Variants in GAP43 observed in about 807,000 individuals in gnomAD.
GAP43 encodes the protein growth associated protein 43.
In GAP43, 6 loss-of-function variants were observed where a neutral mutation model predicts 18.6. The ratio of observed to expected loss-of-function variants is 0.32; its 90% CI spans 0.18 to 0.64. GAP43 has a LOEUF of 0.64. Among genes scored for constraint, GAP43 ranks in the 30% least tolerant of loss-of-function variants. The probability of loss-of-function intolerance (pLI) is 0.78; values close to 1 mark genes in which losing one functional copy is unlikely to be tolerated. For synonymous variants in GAP43, 115 were observed against 111.4 expected (o/e 1.03, Z -0.20); for missense variants, 292 against 295.5 (o/e 0.99, Z 0.09).
chr3:115,667,392 A>T (rs1297694916), intron 1 of GAP43, among the ~76,000 whole-genome samples: 1 of 152,216 alleles, frequency 6.6e-6, no homozygotes, highest in South Asian at 2.1e-4. Context: ...CATTGAACAA[A>T]ATGTCTCAAG....
At chr3:115,663,930 A>T (rs1286702069) in intron 1 of GAP43, 2 of 1,551,728 alleles carry the variant, frequency 1.3e-6, no homozygotes, top group Middle Eastern at 1.7e-4. Context: ...ATTTTACCTC[A>T]CATGTAACCT....
At chr3:115,664,007 CTTAA>C in intron 1 of GAP43, 1 of 1,163,708 alleles carries the variant, frequency 8.6e-7, no homozygotes, top group Non-Finnish European at 1.2e-6. Flanking sequence ...GAGCAAATTA[CTTAA>C]TTACTTAACT....
At chr3:115,633,175 AT>A (rs1708284029) in intron 1 of GAP43, among the ~76,000 whole-genome samples, 1 of 152,052 alleles carries the variant, frequency 6.6e-6, no homozygotes, top group Non-Finnish European at 1.5e-5. Context: ...TACAATTCAA[AT>A]TTTAAATGAT....
At chr3:115,698,247 A>AATATATAATATATATAAAATATATATT (rs1709244022) in intron 2 of GAP43, among the ~76,000 whole-genome samples, 2 of 14,448 alleles carry the variant, frequency 1.4e-4, no homozygotes, top group African/African-American at 2.5e-4. Context: ...AAATATATAT[A>AATATATAATATATATAAAATATATATT]ATATATAATA....
chr3:115,652,278 A>C (rs1708527311), intron 1 of GAP43, among the ~76,000 whole-genome samples: 1 of 150,484 alleles, frequency 6.6e-6, no homozygotes, highest in African/African-American at 2.4e-5. Context: ...ATATTTAAAC[A>C]GTAATTATTT....
chr3:115,642,594 C>T (rs1263040667), intron 1 of GAP43, among the ~76,000 whole-genome samples: 2 of 151,992 alleles, frequency 1.3e-5, no homozygotes, highest in African/African-American at 4.8e-5. Context: ...ACTAATGTTT[C>T]TTCTTGTATA....
chr3:115,665,062 G>A (rs1165224152), intron 1 of GAP43, among the ~76,000 whole-genome samples: 4 of 152,064 alleles, frequency 2.6e-5, no homozygotes, highest in Non-Finnish European at 5.9e-5. Flanking sequence ...GTTAAGGTGT[G>A]TACAAATTAC....
At chr3:115,702,258 C>G (rs1709305683) in intron 2 of GAP43, among the ~76,000 whole-genome samples, 1 of 152,046 alleles carries the variant, frequency 6.6e-6, no homozygotes, top group Non-Finnish European at 1.5e-5. Context: ...TTACAGTGAT[C>G]TTTAAGGATT....
intron 2 of GAP43, among the ~76,000 whole-genome samples, chr3:115,683,132 C>A (rs6780411): frequency 1.1e-5 from 1 of 89,826 alleles, no homozygotes; most frequent in Non-Finnish European, 2.3e-5. Flanking sequence ...TGTGCGCGCG[C>A]GTGCGCGCGC....
chr3:115,645,538 A>G (rs1708448554), intron 1 of GAP43, among the ~76,000 whole-genome samples: 1 of 151,890 alleles, frequency 6.6e-6, no homozygotes, highest in Non-Finnish European at 1.5e-5. Flanking sequence ...GTCATTCTCT[A>G]TGCTTATCCA....
chr3:115,698,162 TAA>T (rs1382401293), intron 2 of GAP43, among the ~76,000 whole-genome samples: 19 of 50,406 alleles, frequency 3.8e-4, no homozygotes, highest in African/African-American at 1.4e-3. Flanking sequence ...ATATAATATA[TAA>T]AATATATTAA....
chr3:115,649,470 G>A (rs1708497498), intron 1 of GAP43, among the ~76,000 whole-genome samples: 1 of 152,072 alleles, frequency 6.6e-6, no homozygotes, highest in African/African-American at 2.4e-5. Flanking sequence ...GGAGAAACCT[G>A]TTTTAAAGTA....
At position 115,682,737 on chromosome 3, in the gene GAP43, A is replaced by G. The variant is rs1354863136; in HGVS notation, c.628+6127A>G. Among the ~76,000 whole-genome samples, 5 of 152,146 alleles carry G rather than the reference A, an allele frequency of 3.3e-5. No homozygotes were observed. The East Asian group carries it at 9.7e-4, about 29-fold the overall frequency. On this transcript the variant is annotated intron_variant, in intron 2 of 2. Coordinates refer to ENST00000305124, the MANE Select transcript of GAP43 (RefSeq NM_002045.4). ...TTTTTAGTAAAGACGGGATTTTACC[A>G]TGTTGGTCAGGCTGGTCTCAAACTC... is the stretch of plus-strand genomic sequence containing the variant.
chr3:115,629,408 C>CT (rs35316613), intron 1 of GAP43, among the ~76,000 whole-genome samples: 68,183 of 144,694 alleles, frequency 0.47, 16,192 homozygotes, highest in Middle Eastern at 0.55. Flanking sequence ...CCCCCCTGCT[C>CT]TTTTTTTTTT....
chr3:115,708,940 GT>G (rs3086974), intron 2 of GAP43, among the ~76,000 whole-genome samples: 4,611 of 99,634 alleles, frequency 0.046, 46 homozygotes, highest in Non-Finnish European at 0.063. Context: ...AACTGGCTGG[GT>G]TTTTTTTTTT....
rs548889871 is a variant in GAP43, at chr3:115,690,383, C to T, written c.628+13773C>T. ...ACAATTTTAAATGTAGGCCTATTTC[C>T]ATAAGAAGTTTCAGATTACAAGGCA... On this transcript the variant is annotated intron_variant, in intron 2 of 2. Coordinates refer to ENST00000305124, the MANE Select transcript of GAP43 (RefSeq NM_002045.4). Among the ~76,000 whole-genome samples, 3 of 152,092 alleles carry T rather than the reference C, an allele frequency of 2.0e-5. No individual in the cohort carries two copies. The South Asian group carries it at 6.2e-4, about 32-fold the overall frequency.
At chr3:115,680,234 A>G (rs1390990346) in intron 2 of GAP43, among the ~76,000 whole-genome samples, 1 of 152,138 alleles carries the variant, frequency 6.6e-6, no homozygotes, top group Non-Finnish European at 1.5e-5. Context: ...CCGAGGCAGG[A>G]GGACTTGAGT....
chr3:115,681,704 T>C lies in GAP43; in HGVS notation c.628+5094T>C, dbSNP rs1295584943. ...ATAAAAGTCTAATAATAGGTAGCACTTAATGAGCATTTATTAACTGCCAGG... is the reference window on the plus strand; with the variant it reads ...ATAAAAGTCTAATAATAGGTAGCACCTAATGAGCATTTATTAACTGCCAGG... On this transcript the variant is annotated intron_variant, in intron 2 of 2. Transcript: ENST00000305124. 2.0e-5 allele frequency among the ~76,000 whole-genome samples: 3 copies of C among 152,248 alleles called. No individual in the cohort carries two copies. The East Asian group carries it at 5.8e-4, about 29-fold the overall frequency.
At chr3:115,672,521 T>C (rs1469917357) in intron 1 of GAP43, among the ~76,000 whole-genome samples, 1 of 152,192 alleles carries the variant, frequency 6.6e-6, no homozygotes, top group African/African-American at 2.4e-5. Flanking sequence ...ACCTGCAGTT[T>C]AAGGAATATT....
Sources: allele counts gnomAD v4.1 joint callset (sites outside exome capture counted in the v4.1 genomes callset), GRCh38; gene constraint gnomAD v4.1.1; transcripts MANE v1.5; gene names NCBI Gene and HGNC (gene_info 2026-07-23, HGNC 2026-07-21).